TSPAN32: variants seen among roughly 807,000 people sequenced by gnomAD.
The protein encoded by TSPAN32 is tetraspanin 32.
TSPAN32 carries 47 observed loss-of-function variants against 42.7 expected under a neutral mutation model. The ratio of observed to expected loss-of-function variants is 1.10; its 90% CI spans 0.87 to 1.40. The LOEUF is 1.40. TSPAN32 is among the 40% of genes most tolerant of loss of function. The probability of loss-of-function intolerance (pLI) is 0.00; values close to 1 mark genes in which losing one functional copy is unlikely to be tolerated. For missense variants in TSPAN32, 469 were observed against 424.1 expected (o/e 1.11, Z -0.93); for synonymous variants, 175 against 175.9 (o/e 0.99, Z 0.04).
At chr11:2,309,188 C>T (rs1272678295) in intron 4 of TSPAN32, 1 of 388,868 alleles carries the variant, frequency 2.6e-6, no homozygotes, top group Non-Finnish European at 5.3e-6. Context: ...CTAGAAGGAG[C>T]AGAGTGTTCC....
Position 2,318,034 on chromosome 11 carries a change from G to T in TSPAN32, c.*110G>T. 1.6e-6 allele frequency: 1 copy of T among 630,358 alleles called. No individual in the cohort carries two copies. The highest frequency in any genetic ancestry group is 1.8e-5 in the African/African-American group (1 of 54,392). 39.0% of individuals were successfully genotyped at this position (630,358 alleles called of 1,614,324 possible). On this transcript the variant is annotated 3_prime_UTR_variant, in exon 10 of 10. Transcript: ENST00000182290. The surrounding 1 kb of genome is among the most constrained non-coding windows in gnomAD (Gnocchi z 4.2). ...AACTCCTCATGGCTGTAGGACTGAG[G>T]TTCCCAAGTCCTTGTCCCTGGTCCT...
chr11:2,305,559 C>T (rs764901894), intron 3 of TSPAN32, among the ~76,000 whole-genome samples: 5 of 152,238 alleles, frequency 3.3e-5, no homozygotes, highest in South Asian at 2.1e-4. Flanking sequence ...AGAAGCCAGC[C>T]GCTGGGCCAC....
Position 2,313,739 on chromosome 11 carries a change from C to T in TSPAN32, c.440C>T (p.Ala147Val), listed in dbSNP as rs561781505. ...GTSHVRRQELAAIQDVFLCCG... is the reference protein window; with the variant it reads ...GTSHVRRQELVAIQDVFLCCG... ...TCCCACGTCCGGCGGCAGGAGCTGG[C>T]GGCCATCCAGGACGTGGTGAGCGTG... Residue 147 changes from alanine (A) to valine (V), a missense_variant, in exon 5 of 10, where the codon GCG becomes GTG. Coordinates refer to ENST00000182290, the MANE Select transcript of TSPAN32 (RefSeq NM_139022.3). This position sits in a 1 kb window ranked among gnomAD's most constrained non-coding sequence, Gnocchi z 9.1. The T allele has an allele frequency of 1.2e-5, 20 of 1,600,780 alleles. No individual in the cohort carries two copies. Among genetic ancestry groups the T allele is most frequent in the African/African-American group, 5.3e-5 (4 of 74,852 alleles).
rs867517949 is a variant in TSPAN32, at chr11:2,317,430, C to G, written c.806C>G (p.Ala269Gly). ...PTHCLHSEAV[A>G]IGPRGCSGSL... ...CATTGTCTCCACTCCGAAGCAGTTG[C>G]TATTGGTCCAAGAGGATGCTCGGGT... Residue 269 changes from alanine (A) to glycine (G), a missense_variant, in exon 9 of 10, where the codon GCT (alanine) becomes GGT (glycine). Coordinates refer to ENST00000182290, the MANE Select transcript of TSPAN32 (RefSeq NM_139022.3). The surrounding 1 kb of genome is among the most constrained non-coding windows in gnomAD (Gnocchi z 6.2). 3 of 1,604,092 alleles carry G rather than the reference C, an allele frequency of 1.9e-6. No homozygotes were observed. In the Admixed American group the frequency reaches 5.1e-5, roughly 27 times the overall value.
rs1193392132 is a variant in TSPAN32 at position 2,315,916 on chromosome 11, C to T, written c.544-313C>T. Reference sequence around the variant, plus strand: ...GGATGCTGGGAACCCAGAGTGAATTCGAAGTGGCCCGGCCCAGGGGAGCCA... The same window carrying T: ...GGATGCTGGGAACCCAGAGTGAATTTGAAGTGGCCCGGCCCAGGGGAGCCA... On this transcript the variant is annotated intron_variant, in intron 6 of 9. Coordinates refer to ENST00000182290, the MANE Select transcript of TSPAN32 (RefSeq NM_139022.3). The T allele has an allele frequency of 6.7e-6, 10 of 1,487,224 alleles. No individual in the cohort carries two copies. The East Asian group carries it at 1.4e-4, about 21-fold the overall frequency. 92.1% of individuals were successfully genotyped at this position (1,487,224 alleles called of 1,614,324 possible).
intron 4 of TSPAN32, among the ~76,000 whole-genome samples, chr11:2,310,364 G>A (rs1848392847): frequency 6.6e-6 from 1 of 152,212 alleles, no homozygotes; most frequent in South Asian, 2.1e-4. Flanking sequence ...AGATGCCCCA[G>A]CCGGGCTCAC....
chr11:2,315,337 G>T, intron 6 of TSPAN32: 1 of 1,162,948 alleles, frequency 8.6e-7, no homozygotes, highest in South Asian at 1.7e-5. Context: ...CCAAGGCTCT[G>T]AGGGCAGAAG....
Position 2,317,271 on chromosome 11 carries a change from A to G in TSPAN32, c.720-73A>G. 1 of 1,252,844 alleles carries G rather than the reference A, an allele frequency of 8.0e-7. No homozygotes were observed. Among genetic ancestry groups the G allele is most frequent in the Non-Finnish European group, 1.1e-6 (1 of 887,398 alleles). 77.6% of individuals were successfully genotyped at this position (1,252,844 alleles called of 1,614,324 possible). ...GCAACAGCCCCATGATCCCCTCTAG[A>G]ACATTCCACAATAGCCTCACAGGTC... On this transcript the variant is annotated intron_variant, in intron 8 of 9. Coordinates refer to ENST00000182290, the MANE Select transcript of TSPAN32 (RefSeq NM_139022.3). The surrounding 1 kb of genome is among the most constrained non-coding windows in gnomAD (Gnocchi z 6.2).
At chr11:2,310,864 C>T (rs1467679701) in intron 4 of TSPAN32, among the ~76,000 whole-genome samples, 3 of 152,122 alleles carry the variant, frequency 2.0e-5, no homozygotes, top group Admixed American at 1.3e-4. Flanking sequence ...TGCCAGGGCC[C>T]GGGCCCTGAG....
intron 1 of TSPAN32, 29 bp from the exon 2 acceptor site, chr11:2,302,815 C>T (rs773184258): frequency 1.3e-6 from 2 of 1,595,820 alleles, no homozygotes; most frequent in Middle Eastern, 1.7e-4. Flanking sequence ...AGTCCCATGC[C>T]CCACACTCTG....
intron 6 of TSPAN32, chr11:2,315,124 G>T (rs947076727): frequency 3.4e-6 from 2 of 591,268 alleles, no homozygotes; most frequent in African/African-American, 4.2e-5. Context: ...GGGAGAGACT[G>T]GGCCCTCCTC....
At position 2,317,353 on chromosome 11, in the gene TSPAN32, C is replaced by A; in HGVS notation, c.729C>A (p.Gly243=). The part of the protein sequence containing the change: ...GKYTLTPRAC[G]RQPQEPSLLR... ...TCCCCTTGCTCCTCAGAGCATGTGG[C>A]CGCCAGCCCCAGGAGCCCAGCCTCT... Residue 243 remains glycine (G), a synonymous_variant, in exon 9 of 10, where the codon GGC becomes GGA. Transcript: ENST00000182290. The surrounding 1 kb of genome is among the most constrained non-coding windows in gnomAD (Gnocchi z 6.2). 6.3e-7 allele frequency: 1 copy of A among 1,590,456 alleles called. No homozygotes were observed. The highest frequency in any genetic ancestry group is 8.6e-7 in the Non-Finnish European group (1 of 1,168,616).
chr11:2,306,046 C>CTGTG (rs56961357), intron 3 of TSPAN32, among the ~76,000 whole-genome samples: 2,235 of 147,132 alleles, frequency 0.015, 48 homozygotes, highest in African/African-American at 0.047. Flanking sequence ...GCAGGTGCCT[C>CTGTG]TGTGTGTGTG....
intron 4 of TSPAN32, among the ~76,000 whole-genome samples, chr11:2,312,191 C>T (rs1433328547): frequency 6.6e-6 from 1 of 152,216 alleles, no homozygotes; most frequent in Non-Finnish European, 1.5e-5. Context: ...TGGGCCATGG[C>T]AGGCGCCTGA....
rs548916964 is a variant in TSPAN32, at chr11:2,310,804, G to C, written c.354+1994G>C. Among the ~76,000 whole-genome samples, 4 of 152,338 alleles carry C rather than the reference G, an allele frequency of 2.6e-5. No individual in the cohort carries two copies. The East Asian group carries it at 7.7e-4, about 29-fold the overall frequency. Reference sequence around the variant, plus strand: ...CCCGTTGCCCAGGCTGGTCCTCCAGGACGTGGGACTTGCTCGAAGCTGTCC... The same window carrying C: ...CCCGTTGCCCAGGCTGGTCCTCCAGCACGTGGGACTTGCTCGAAGCTGTCC... On this transcript the variant is annotated intron_variant, in intron 4 of 9. Transcript: ENST00000182290.
At chr11:2,306,046 C>CTGTGTGTGTGTGTGTGTGTGTGTGTGTG (rs56961357) in intron 3 of TSPAN32, among the ~76,000 whole-genome samples, 2 of 147,332 alleles carry the variant, frequency 1.4e-5, no homozygotes, top group South Asian at 2.2e-4. Context: ...GCAGGTGCCT[C>CTGTGTGTGTGTGTGTGTGTGTGTGTGTG]TGTGTGTGTG....
intron 4 of TSPAN32, among the ~76,000 whole-genome samples, chr11:2,312,195 C>T (rs1358957774): frequency 1.3e-5 from 2 of 152,326 alleles, no homozygotes; most frequent in Admixed American, 6.5e-5. Context: ...CCATGGCAGG[C>T]GCCTGACAAT....
At chr11:2,306,178 G>T (rs1421255617) in intron 3 of TSPAN32, among the ~76,000 whole-genome samples, 2 of 152,150 alleles carry the variant, frequency 1.3e-5, no homozygotes, top group Non-Finnish European at 2.9e-5. Flanking sequence ...GAGCACAAGT[G>T]AAGGGGCTAG....
At chr11:2,312,840 G>A (rs1848543207) in intron 4 of TSPAN32, among the ~76,000 whole-genome samples, 1 of 152,194 alleles carries the variant, frequency 6.6e-6, no homozygotes, top group African/African-American at 2.4e-5. Context: ...TCTGAGGCAG[G>A]AAGGAGACAT....
Sources: gnomAD v4.1 joint callset for allele counts (sites outside exome capture counted in the v4.1 genomes callset) on GRCh38, gnomAD v4.1.1 for gene constraint, Gnocchi (gnomAD v3.1) non-coding constraint, MANE v1.5 for transcripts, NCBI Gene and HGNC (gene_info 2026-07-23, HGNC 2026-07-21) for gene names.